PRKN: variants seen among roughly 807,000 people sequenced by gnomAD.
PRKN encodes the protein parkin RBR E3 ubiquitin protein ligase.
A neutral mutation model predicts 59.5 loss-of-function variants in PRKN; 56 were observed. The observed-to-expected ratio is 0.94, with a 90% CI of 0.76 to 1.18. PRKN has a LOEUF of 1.18. PRKN is among the 50% of genes most tolerant of loss of function. The pLI, the probability that PRKN is intolerant of heterozygous loss-of-function variation, is 0.00. For missense variants in PRKN, 657 were observed against 596.4 expected (o/e 1.10, Z -1.06); for synonymous variants, 250 against 222.1 (o/e 1.13, Z -1.12).
rs1398780449 is a variant in PRKN, at chr6:161,352,769, A to ATATATTTT, written c.1286-2559_1286-2558insAAAATATA. ...TGTGTGTGTGTGTATATATATATAT[A>ATATATTTT]TATTTTATTTTATTTTATTTTATTT... On this transcript the variant is annotated intron_variant, in intron 11 of 11. Transcript: ENST00000366898. This position sits in a 1 kb window ranked among gnomAD's most constrained non-coding sequence, Gnocchi z 5.8. 6.0e-4 allele frequency among the ~76,000 whole-genome samples: 72 copies of ATATATTTT among 119,474 alleles called. No individual in the cohort carries two copies. Among genetic ancestry groups the ATATATTTT allele is most frequent in the African/African-American group, 2.1e-3 (72 of 34,396 alleles). 78.4% of individuals were successfully genotyped at this position (119,474 alleles called of 152,430 possible). A position where few individuals can be genotyped will look rare whatever the true frequency, so the allele number is the denominator to read the frequency against.
rs74328938 is a variant in PRKN at position 162,403,270 on chromosome 6, C to G, written c.171+40040G>C. Among the ~76,000 whole-genome samples the G allele has an allele frequency of 8.3e-3, 1,260 of 152,176 alleles. 15 individuals carry two copies. The highest frequency in any genetic ancestry group is 9.2e-3 in the Non-Finnish European group (625 of 68,002). On this transcript the variant is annotated intron_variant, in intron 2 of 11. Coordinates refer to ENST00000366898, the MANE Select transcript of PRKN (RefSeq NM_004562.3). ...CTCCAGCCTCTCCTGCCAGCGAATGCTTGCCCCCTTGGAGCTTTGGGCTTG... is the reference window on the plus strand; with the variant it reads ...CTCCAGCCTCTCCTGCCAGCGAATGGTTGCCCCCTTGGAGCTTTGGGCTTG...
chr6:162,096,876 T>C lies in PRKN; in HGVS notation c.535-42702A>G, dbSNP rs1046572104. The stretch of plus-strand genomic sequence containing the variant: ...TTTTTTTTTTTTTTTTTTTTTTTTT[T>C]TTTGAGATGGAGTCTCGTTTTGCTC... On this transcript the variant is annotated intron_variant, in intron 4 of 11. Coordinates refer to ENST00000366898, the MANE Select transcript of PRKN (RefSeq NM_004562.3). Among the ~76,000 whole-genome samples the C allele has an allele frequency of 6.7e-5, 5 of 74,992 alleles. No individual in the cohort carries two copies. In the South Asian group the frequency reaches 1.5e-3, roughly 23 times the overall value. The allele number at this position is 74,992 out of a possible 152,430, so 49.2% of individuals were successfully genotyped here. A position where few individuals can be genotyped will look rare whatever the true frequency, so the allele number is the denominator to read the frequency against.
At position 161,547,484 on chromosome 6, in the gene PRKN, A is replaced by G. The variant is rs1284504413; in HGVS notation, c.1083+1370T>C. Among the ~76,000 whole-genome samples, 2 of 152,266 alleles carry G rather than the reference A, an allele frequency of 1.3e-5. No individual in the cohort carries two copies. The highest frequency in any genetic ancestry group is 2.9e-5 in the Non-Finnish European group (2 of 68,048). ...ATTCTTAAAGCAAGGTCAACAACCA[A>G]ATGCAAAAGATGGGCCAGCAAAAGT... On this transcript the variant is annotated intron_variant, in intron 9 of 11. Coordinates refer to ENST00000366898, the MANE Select transcript of PRKN (RefSeq NM_004562.3). The surrounding 1 kb of genome is among the most constrained non-coding windows in gnomAD (Gnocchi z 4.0).
At chr6:162,535,518 T>C (rs1037023808) in intron 1 of PRKN, among the ~76,000 whole-genome samples, 1 of 152,124 alleles carries the variant, frequency 6.6e-6, no homozygotes, top group Non-Finnish European at 1.5e-5. Context: ...TGTGTCTATA[T>C]ATATATAAAT....
At chr6:161,868,372 A>G (rs1388020138) in intron 6 of PRKN, among the ~76,000 whole-genome samples, 1 of 151,924 alleles carries the variant, frequency 6.6e-6, no homozygotes, top group African/African-American at 2.4e-5. Flanking sequence ...CGAAGCTAGG[A>G]GTTCAAGACC....
intron 1 of PRKN, among the ~76,000 whole-genome samples, chr6:162,565,381 T>C (rs1176067933): frequency 6.6e-6 from 1 of 152,084 alleles, no homozygotes; most frequent in African/African-American, 2.4e-5. Flanking sequence ...AGTAAGTCCT[T>C]ACTTATAAAT....
chr6:161,454,197 A>T lies in PRKN; in HGVS notation c.1084-67320T>A, dbSNP rs988596954. Among the ~76,000 whole-genome samples the T allele has an allele frequency of 5.9e-5, 9 of 152,324 alleles. No individual in the cohort carries two copies. Among genetic ancestry groups the T allele is most frequent in the African/African-American group, 2.2e-4 (9 of 41,570 alleles). On this transcript the variant is annotated intron_variant, in intron 9 of 11. Transcript: ENST00000366898. This position sits in a 1 kb window ranked among gnomAD's most constrained non-coding sequence, Gnocchi z 4.6. Reference sequence around the variant, plus strand: ...TTTTGGCGATGTCCCCTTGGGTCACAGAACGGCAGCATGGGTTCTATAGGT... The same window carrying T: ...TTTTGGCGATGTCCCCTTGGGTCACTGAACGGCAGCATGGGTTCTATAGGT...
intron 5 of PRKN, among the ~76,000 whole-genome samples, chr6:162,014,664 G>A (rs1782866628): frequency 6.6e-6 from 1 of 152,102 alleles, no homozygotes; most frequent in Admixed American, 6.6e-5. Context: ...GTGATGAAAG[G>A]TTTAACTCAT....
At position 161,495,295 on chromosome 6, in the gene PRKN, G is replaced by A. The variant is rs187027500; in HGVS notation, c.1083+53559C>T. Among the ~76,000 whole-genome samples the A allele has an allele frequency of 1.2e-4, 19 of 152,286 alleles. No homozygotes were observed. The East Asian group carries it at 2.1e-3, about 17-fold the overall frequency. ...GCCCGGCATATCCTAGGGGAGGGAA[G>A]GAATCCTTAGTTGTTAACGTGTCAG... On this transcript the variant is annotated intron_variant, in intron 9 of 11. Transcript: ENST00000366898.
At chr6:162,598,313 G>T (rs1781566450) in intron 1 of PRKN, among the ~76,000 whole-genome samples, 1 of 152,018 alleles carries the variant, frequency 6.6e-6, no homozygotes, top group African/African-American at 2.4e-5. Context: ...TGAGTTTCCA[G>T]ATTTTTATTC....
intron 1 of PRKN, among the ~76,000 whole-genome samples, chr6:162,466,973 GAA>G (rs1427485228): frequency 1.3e-5 from 2 of 151,942 alleles, no homozygotes; most frequent in Admixed American, 1.3e-4. Flanking sequence ...ACTTCTAAAA[GAA>G]AAATAGGTCG....
chr6:161,583,749 T>C (rs1347909299), intron 7 of PRKN, among the ~76,000 whole-genome samples: 3 of 152,176 alleles, frequency 2.0e-5, no homozygotes, highest in African/African-American at 7.2e-5. Context: ...TTTTTCCACC[T>C]AATAATAGGA....
rs563845178 is a variant in PRKN at position 162,063,813 on chromosome 6, G to A, written c.535-9639C>T. Among the ~76,000 whole-genome samples the A allele has an allele frequency of 5.3e-5, 8 of 152,290 alleles. No individual in the cohort carries two copies. The South Asian group carries it at 1.0e-3, about 20-fold the overall frequency. On this transcript the variant is annotated intron_variant, in intron 4 of 11. Transcript: ENST00000366898. ...GCCTGCCTTGGCCTCCCGTAGTTCC[G>A]GGATTACAGGCAAGAGCCGCAGCGC...
chr6:161,449,731 C>A (rs796933052), intron 9 of PRKN, among the ~76,000 whole-genome samples: 2 of 152,078 alleles, frequency 1.3e-5, no homozygotes, highest in Admixed American at 6.5e-5. Context: ...ACTGAGTCAG[C>A]GACAGTGAGG....
rs1455535735 is a variant in PRKN at position 161,459,234 on chromosome 6, A to T, written c.1084-72357T>A. 1.3e-5 allele frequency among the ~76,000 whole-genome samples: 2 copies of T among 152,200 alleles called. No homozygotes were observed. On this transcript the variant is annotated intron_variant, in intron 9 of 11. Coordinates refer to ENST00000366898, the MANE Select transcript of PRKN (RefSeq NM_004562.3). This position sits in a 1 kb window ranked among gnomAD's most constrained non-coding sequence, Gnocchi z 4.8. ...GGAAACCTGATCGAACTTGACAGTC[A>T]GTGTGTTTGTGGGCTTCTCTTCCTG...
intron 6 of PRKN, among the ~76,000 whole-genome samples, chr6:161,810,227 T>C (rs1269659076): frequency 6.6e-6 from 1 of 152,150 alleles, no homozygotes; most frequent in Non-Finnish European, 1.5e-5. Context: ...CATCTGGAGA[T>C]ACAGGGAGAA....
chr6:161,767,223 A>G (rs2128200790), intron 7 of PRKN, among the ~76,000 whole-genome samples: 1 of 152,302 alleles, frequency 6.6e-6, no homozygotes, highest in South Asian at 2.1e-4. Context: ...CCTTACAACA[A>G]TCAGCATGGG....
chr6:162,420,223 C>T (rs1973883), intron 2 of PRKN, among the ~76,000 whole-genome samples: 3 of 148,460 alleles, frequency 2.0e-5, no homozygotes, highest in Non-Finnish European at 3.0e-5. Context: ...TCATAAGGAG[C>T]GTGCAACCTA....
chr6:162,117,976 A>G (rs753644543), intron 4 of PRKN, among the ~76,000 whole-genome samples: 1 of 152,092 alleles, frequency 6.6e-6, no homozygotes, highest in African/African-American at 2.4e-5. Flanking sequence ...CACACCTGTA[A>G]TCCCAGCTAA....
Sources: gnomAD v4.1 joint callset for allele counts (sites outside exome capture counted in the v4.1 genomes callset) on GRCh38, gnomAD v4.1.1 for gene constraint, Gnocchi (gnomAD v3.1) non-coding constraint, MANE v1.5 for transcripts, NCBI Gene and HGNC (gene_info 2026-07-23, HGNC 2026-07-21) for gene names.